The following CCT3 variants were observed in gnomAD, a reference collection of about 807,000 sequenced individuals.
CCT3 encodes chaperonin containing TCP1 subunit 3.
A neutral mutation model predicts 65.3 loss-of-function variants in CCT3; 10 were observed. That is an observed-to-expected ratio of 0.15 (90% confidence interval 0.09 to 0.26). The LOEUF is 0.26. CCT3 is among the 10% of genes least tolerant of loss of function. CCT3 has a pLI of 1.00. For synonymous variants in CCT3, 225 were observed against 242.3 expected, an observed-to-expected ratio of 0.93 and a Z score of 0.66; for missense variants, 626 against 708.7, an observed-to-expected ratio of 0.88 and a Z score of 1.33.
chr1:156,324,850 A>T (rs1664734993), intron 6 of CCT3, 122 bp downstream of exon 6: 2 of 642,518 alleles, frequency 3.1e-6, no homozygotes, highest in Admixed American at 4.6e-5. Context: ...GATGGTTTCC[A>T]TCTCCTGACC....
In CCT3 at chr1:156,311,093, G is replaced by T; in HGVS notation, c.1258C>A (p.His420Asn). ...GGGASEMAVAHALTEKSKAMT... is the reference protein window; with the variant it reads ...GGGASEMAVANALTEKSKAMT... ...GCCTTGGATTTTTCTGTCAAGGCAT[G>T]GGCCACAGCCATCTCGGAGGCCCCA... Residue 420 changes from histidine (H) to asparagine (N), a missense_variant, in exon 12 of 14, where the codon CAT (histidine) becomes AAT (asparagine). His to Asn is a moderately conservative substitution (Grantham distance 68). Transcript: ENST00000295688. The T allele has an allele frequency of 6.2e-7, 1 of 1,614,162 alleles. No individual in the cohort carries two copies. Among genetic ancestry groups the T allele is most frequent in the Non-Finnish European group, 8.5e-7 (1 of 1,180,022 alleles).
intron 7 of CCT3, among the ~76,000 whole-genome samples, chr1:156,319,857 G>A (rs1664476220): frequency 6.6e-6 from 1 of 152,148 alleles, no homozygotes; most frequent in African/African-American, 2.4e-5. Flanking sequence ...AGGAGAGAAA[G>A]CTTTCTGGGG....
At chr1:156,309,373 T>A in intron 13 of CCT3, 70 bp from the exon 14 acceptor site, 1 of 1,017,884 alleles carries the variant, frequency 9.8e-7, no homozygotes, top group Non-Finnish European at 1.6e-6. Context: ...CCTTTAGATC[T>A]ATCACCTAGA....
At chr1:156,334,939 A>G in intron 2 of CCT3, 21 bp from the exon 3 acceptor site, 1 of 1,612,036 alleles carries the variant, frequency 6.2e-7, no homozygotes, top group Non-Finnish European at 8.5e-7. Flanking sequence ...GGGAACATAA[A>G]ATACGCAAGC....
chr1:156,338,045 G>A, intron 1 of CCT3, 109 bp downstream of exon 1: 1 of 1,204,264 alleles, frequency 8.3e-7, no homozygotes, highest in East Asian at 2.5e-5. Context: ...GACGATGATT[G>A]GAAGGCTCAG....
At chr1:156,312,672 C>T (rs956424936) in intron 10 of CCT3, among the ~76,000 whole-genome samples, 2 of 151,508 alleles carry the variant, frequency 1.3e-5, no homozygotes, top group African/African-American at 4.8e-5. Context: ...AAAACAAACA[C>T]AAAAACCCCA....
intron 5 of CCT3, among the ~76,000 whole-genome samples, chr1:156,328,544 T>C (rs1027300799): frequency 6.6e-6 from 1 of 151,982 alleles, no homozygotes; most frequent in African/African-American, 2.4e-5. Context: ...ATCCTGTTGA[T>C]CTGTGACCTT....
intron 6 of CCT3, among the ~76,000 whole-genome samples, chr1:156,321,705 C>A (rs1664560747): frequency 6.6e-6 from 1 of 152,046 alleles, no homozygotes; most frequent in Non-Finnish European, 1.5e-5. Context: ...GAAACCCCAT[C>A]TCTATTAAAA....
intron 6 of CCT3, among the ~76,000 whole-genome samples, chr1:156,324,179 TG>T: frequency 6.6e-6 from 1 of 152,138 alleles, no homozygotes; most frequent in East Asian, 1.9e-4. Flanking sequence ...GCGATTCTCC[TG>T]CCTCAGCCTC....
intron 5 of CCT3, among the ~76,000 whole-genome samples, chr1:156,328,039 T>TGG (rs1664915638): frequency 2.6e-4 from 24 of 93,212 alleles, no homozygotes; most frequent in Admixed American, 5.7e-4. Context: ...GGGAGGGAGG[T>TGG]GGGGGTCCAG....
intron 5 of CCT3, among the ~76,000 whole-genome samples, chr1:156,325,510 AGAGT>A (rs1487607926): frequency 6.6e-6 from 1 of 152,072 alleles, no homozygotes; most frequent in Non-Finnish European, 1.5e-5. Context: ...TCTGGGTGAC[AGAGT>A]GAGACCCTAT....
Position 156,328,651 on chromosome 1 carries a change from G to C in CCT3, c.305-3562C>G, listed in dbSNP as rs899838809. ...GATGTGCTTTGTTAAACAGATGCTT[G>C]AAGGCAGCATGCTCGTTAAGAGTCA... is the stretch of plus-strand genomic sequence containing the variant. On this transcript the variant is annotated intron_variant, in intron 5 of 13. Transcript: ENST00000295688. 1.5e-4 allele frequency among the ~76,000 whole-genome samples: 23 copies of C among 151,896 alleles called. 1 individual carries two copies. Among genetic ancestry groups the C allele is most frequent in the Admixed American group, 7.9e-4 (12 of 15,222 alleles).
At chr1:156,322,593 C>T (rs534511258) in intron 6 of CCT3, among the ~76,000 whole-genome samples, 6 of 151,560 alleles carry the variant, frequency 4.0e-5, no homozygotes, top group African/African-American at 1.5e-4. Context: ...CACGGTGGCT[C>T]ACGCCTGTAA....
At chr1:156,322,834 G>C (rs1289942341) in intron 6 of CCT3, among the ~76,000 whole-genome samples, 1 of 152,190 alleles carries the variant, frequency 6.6e-6, no homozygotes, top group East Asian at 1.9e-4. Context: ...ATTCCAGCCT[G>C]AGCAACAAGA....
chr1:156,312,733 T>C (rs533420126), intron 10 of CCT3, among the ~76,000 whole-genome samples: 25 of 152,282 alleles, frequency 1.6e-4, no homozygotes, highest in African/African-American at 5.3e-4. Flanking sequence ...ACAGCAGCAC[T>C]GCAGCTATGC....
chr1:156,314,509 GT>G (rs113434996), intron 10 of CCT3, among the ~76,000 whole-genome samples: 35,319 of 151,868 alleles, frequency 0.23, 4,747 homozygotes, highest in Non-Finnish European at 0.29. Context: ...GAGGTCGGGA[GT>G]TCAAGACCAG....
intron 10 of CCT3, among the ~76,000 whole-genome samples, chr1:156,316,167 A>G (rs2101637377): frequency 6.6e-6 from 1 of 152,300 alleles, no homozygotes; most frequent in Non-Finnish European, 1.5e-5. Context: ...TAAATTTTAA[A>G]GACAATATAG....
chr1:156,333,045 C>G (rs990468363), intron 5 of CCT3: 1 of 176,574 alleles, frequency 5.7e-6, no homozygotes, highest in African/African-American at 2.4e-5. Flanking sequence ...CCTGTAATCC[C>G]AGCACTTTGG....
chr1:156,323,076 G>A (rs1664633879), intron 6 of CCT3, among the ~76,000 whole-genome samples: 2 of 151,918 alleles, frequency 1.3e-5, no homozygotes, highest in South Asian at 4.2e-4. Flanking sequence ...GGAGGTCAAG[G>A]TGGGTGGATC....
Sources: gnomAD v4.1 joint callset for allele counts (sites outside exome capture counted in the v4.1 genomes callset) on GRCh38, gnomAD v4.1.1 for gene constraint, MANE v1.5 for transcripts, NCBI Gene and HGNC (gene_info 2026-07-23, HGNC 2026-07-21) for gene names.